The following PTPRD variants were observed in gnomAD, a reference collection of about 807,000 sequenced individuals.
PTPRD encodes protein tyrosine phosphatase receptor type D, also known as receptor-type tyrosine-protein phosphatase delta.
A neutral mutation model predicts 214.5 loss-of-function variants in PTPRD; 34 were observed. That is an observed-to-expected ratio of 0.16 (90% confidence interval 0.12 to 0.21). The LOEUF (loss-of-function observed/expected upper bound fraction) is 0.21, where lower values mean the gene tolerates loss of function less well. Ranked by LOEUF, PTPRD falls within the 10% of genes least tolerant of loss-of-function variation. The pLI, the probability that PTPRD is intolerant of heterozygous loss-of-function variation, is 1.00. For synonymous variants in PTPRD, 1,128 were observed against 845.7 expected, an observed-to-expected ratio of 1.33 and a Z score of -5.79; for missense variants, 2,545 against 2,398.7, an observed-to-expected ratio of 1.06 and a Z score of -1.27.
intron 14 of PTPRD, among the ~76,000 whole-genome samples, chr9:8,581,611 G>A (rs1427905743): frequency 6.6e-6 from 1 of 152,090 alleles, no homozygotes; most frequent in Non-Finnish European, 1.5e-5. Context: ...AGCTGGGCAT[G>A]GTGGCAGATG....
chr9:8,869,005 T>C (rs957268471), intron 11 of PTPRD, among the ~76,000 whole-genome samples: 5 of 152,294 alleles, frequency 3.3e-5, no homozygotes, highest in African/African-American at 1.2e-4. Context: ...TAGGAAGCCA[T>C]GCCATCAAAC....
At chr9:10,552,284 T>G (rs1318722384) in intron 2 of PTPRD, among the ~76,000 whole-genome samples, 1 of 152,168 alleles carries the variant, frequency 6.6e-6, no homozygotes, top group African/African-American at 2.4e-5. Flanking sequence ...TAAGGTATCA[T>G]CATTCCAGTC....
At chr9:10,329,028 T>C (rs2096700847) in intron 3 of PTPRD, among the ~76,000 whole-genome samples, 5 of 151,804 alleles carry the variant, frequency 3.3e-5, no homozygotes, top group Admixed American at 3.3e-4. Flanking sequence ...ATCTTTATTT[T>C]ACTAATCTCA....
intron 11 of PTPRD, among the ~76,000 whole-genome samples, chr9:8,963,613 T>A (rs1431433806): frequency 1.3e-5 from 2 of 151,932 alleles, no homozygotes; most frequent in African/African-American, 4.8e-5. Context: ...AAAGCCTACA[T>A]GATCACAATT....
chr9:10,245,573 C>T (rs2091941767), intron 3 of PTPRD, among the ~76,000 whole-genome samples: 1 of 152,116 alleles, frequency 6.6e-6, no homozygotes, highest in Non-Finnish European at 1.5e-5. Context: ...TTAGACAATG[C>T]ACACTTTGAA....
intron 11 of PTPRD, among the ~76,000 whole-genome samples, chr9:8,988,691 C>T (rs567398061): frequency 9.5e-4 from 144 of 152,078 alleles, no homozygotes; most frequent in Non-Finnish European, 1.4e-3. Flanking sequence ...TTTAGGCTCT[C>T]CTTCAACACA....
chr9:8,673,786 G>C (rs1264213024), intron 12 of PTPRD, among the ~76,000 whole-genome samples: 1 of 152,172 alleles, frequency 6.6e-6, no homozygotes, highest in African/African-American at 2.4e-5. Flanking sequence ...GTGCACTGAA[G>C]TAGTGTTTCT....
chr9:8,871,577 C>T (rs57986047), intron 11 of PTPRD, among the ~76,000 whole-genome samples: 12,622 of 152,110 alleles, frequency 0.083, 1,089 homozygotes, highest in African/African-American at 0.22. Context: ...TATCCAGTGA[C>T]TGACTTTTCA....
At chr9:10,375,573 G>C (rs1181999427) in intron 2 of PTPRD, among the ~76,000 whole-genome samples, 3 of 151,958 alleles carry the variant, frequency 2.0e-5, no homozygotes, top group Non-Finnish European at 4.4e-5. Context: ...TTGCTAATCA[G>C]ATTCCCTTGG....
At chr9:10,309,933 T>A (rs1437799390) in intron 3 of PTPRD, among the ~76,000 whole-genome samples, 1 of 152,076 alleles carries the variant, frequency 6.6e-6, no homozygotes, top group Admixed American at 6.6e-5. Context: ...TCACTTTTCT[T>A]TTGTTCCAAA....
At position 9,140,191 on chromosome 9, in the gene PTPRD, GA is replaced by G. The variant is rs71317401; in HGVS notation, c.-143+43112del. 6.4e-4 allele frequency among the ~76,000 whole-genome samples: 91 copies of G among 141,202 alleles called. 1 individual carries two copies. The highest frequency in any genetic ancestry group is 1.5e-3 in the African/African-American group (59 of 38,478). 92.6% of individuals were successfully genotyped at this position (141,202 alleles called of 152,430 possible). On this transcript the variant is annotated intron_variant, in intron 10 of 45. Coordinates refer to ENST00000381196, the MANE Select transcript of PTPRD (RefSeq NM_002839.4). ...GGGTCACTATGTAAATCCATGCATG[GA>G]AAAAAAAAAAGAAAAAGAAAAAGAA...
intron 5 of PTPRD, among the ~76,000 whole-genome samples, chr9:9,836,462 T>C (rs1326298032): frequency 1.3e-5 from 2 of 152,102 alleles, no homozygotes; most frequent in Non-Finnish European, 2.9e-5. Flanking sequence ...AATTTGAACT[T>C]TCTCTTACCA....
intron 2 of PTPRD, among the ~76,000 whole-genome samples, chr9:10,447,970 T>C (rs2098811019): frequency 6.6e-6 from 1 of 151,916 alleles, no homozygotes; most frequent in Non-Finnish European, 1.5e-5. Context: ...CTGGCACACA[T>C]AGTCCCCATT....
rs537356304 is a variant in PTPRD, at chr9:8,614,415, G to C, written c.352+18902C>G. Among the ~76,000 whole-genome samples the C allele has an allele frequency of 3.3e-5, 5 of 152,264 alleles. No individual in the cohort carries two copies. The East Asian group carries it at 9.7e-4, about 29-fold the overall frequency. ...ATGACCAGGTATAGGTTTATTCATA[G>C]TAAAAGACCTCCCTGCCTGTATTCA... On this transcript the variant is annotated intron_variant, in intron 14 of 45. Coordinates refer to ENST00000381196, the MANE Select transcript of PTPRD (RefSeq NM_002839.4).
intron 7 of PTPRD, among the ~76,000 whole-genome samples, chr9:9,656,260 T>C (rs1340336225): frequency 1.3e-5 from 2 of 152,300 alleles, no homozygotes; most frequent in African/African-American, 4.8e-5. Flanking sequence ...TCACATTCTT[T>C]AGTATTTACC....
intron 7 of PTPRD, among the ~76,000 whole-genome samples, chr9:9,687,476 TTATGTTTTCTC>T (rs1815942748): frequency 6.6e-6 from 1 of 151,786 alleles, no homozygotes; most frequent in African/African-American, 2.4e-5. Flanking sequence ...CAGACACCAG[TTATGTTTTCTC>T]TAGTCCTCAG....
intron 37 of PTPRD, among the ~76,000 whole-genome samples, chr9:8,377,381 G>A (rs1589058284): frequency 6.6e-6 from 1 of 151,980 alleles, no homozygotes; most frequent in Non-Finnish European, 1.5e-5. Flanking sequence ...CATCCAAGAT[G>A]AATAATCTAC....
intron 8 of PTPRD, among the ~76,000 whole-genome samples, chr9:9,544,260 A>G (rs1185160191): frequency 2.6e-5 from 4 of 151,672 alleles, no homozygotes; most frequent in Non-Finnish European, 5.9e-5. Flanking sequence ...AGTATTAACC[A>G]TTTGTAATAT....
chr9:10,437,129 T>C (rs550536580), intron 2 of PTPRD, among the ~76,000 whole-genome samples: 1 of 151,778 alleles, frequency 6.6e-6, no homozygotes, highest in African/African-American at 2.4e-5. Context: ...GAACCCATCA[T>C]CCCTATATAC....
Sources: allele counts gnomAD v4.1 joint callset (sites outside exome capture counted in the v4.1 genomes callset), GRCh38; gene constraint gnomAD v4.1.1; transcripts MANE v1.5; gene names NCBI Gene and HGNC (gene_info 2026-07-23, HGNC 2026-07-21).